Variants in CSGALNACT1 observed in about 807,000 individuals in gnomAD.
The protein encoded by CSGALNACT1 is chondroitin sulfate N-acetylgalactosaminyltransferase 1.
CSGALNACT1 carries 52 observed loss-of-function variants against 51.0 expected under a neutral mutation model. The observed-to-expected ratio is 1.02, with a 90% CI of 0.82 to 1.29. CSGALNACT1 has a LOEUF of 1.29. CSGALNACT1 is among the 50% of genes most tolerant of loss of function. CSGALNACT1 has a pLI of 0.00. For missense variants in CSGALNACT1, 935 were observed against 679.2 expected (o/e 1.38, Z -4.19); for synonymous variants, 341 against 254.4 (o/e 1.34, Z -3.24).
chr8:19,434,766 G>T (rs1054649013), intron 6 of CSGALNACT1, among the ~76,000 whole-genome samples: 1 of 151,954 alleles, frequency 6.6e-6, no homozygotes, highest in Admixed American at 6.6e-5. Flanking sequence ...CTAATTATCT[G>T]CTTGGGAGGG....
At chr8:19,676,085 A>ATT (rs2060161989) in intron 1 of CSGALNACT1, among the ~76,000 whole-genome samples, 2 of 62,430 alleles carry the variant, frequency 3.2e-5, no homozygotes, top group African/African-American at 1.0e-4. Context: ...TGTCTGATTT[A>ATT]AAAAACAAAA....
chr8:19,684,113 C>G (rs1054531479), upstream of CSGALNACT1, among the ~76,000 whole-genome samples: 5 of 151,978 alleles, frequency 3.3e-5, no homozygotes, highest in African/African-American at 4.8e-5. Context: ...TTGCAGGGAG[C>G]AGAGATAGTG....
chr8:19,487,491 T>C (rs957065135), intron 4 of CSGALNACT1, among the ~76,000 whole-genome samples: 1 of 152,154 alleles, frequency 6.6e-6, no homozygotes, highest in African/African-American at 2.4e-5. Context: ...ACATGAGCTC[T>C]GAGCCTGACA....
intron 6 of CSGALNACT1, among the ~76,000 whole-genome samples, chr8:19,438,865 T>C (rs2060827747): frequency 6.6e-6 from 1 of 152,188 alleles, no homozygotes; most frequent in Admixed American, 6.5e-5. Flanking sequence ...TAACAAAGCA[T>C]AAAAATAAAA....
At chr8:19,696,793 C>T (rs1381351876) in intron 1 of CSGALNACT1, among the ~76,000 whole-genome samples, 1 of 152,202 alleles carries the variant, frequency 6.6e-6, no homozygotes, top group Non-Finnish European at 1.5e-5. Flanking sequence ...ACAGGAACCA[C>T]ACACAGTGTC....
upstream of CSGALNACT1, chr8:19,682,660 C>T (rs916510274): frequency 6.6e-6 from 3 of 453,996 alleles, no homozygotes; most frequent in Non-Finnish European, 1.3e-5. Context: ...GCCAAAACCA[C>T]AAGGAAGCCA....
intron 1 of CSGALNACT1, among the ~76,000 whole-genome samples, chr8:19,664,160 T>G (rs1332233801): frequency 2.4e-4 from 37 of 152,222 alleles, no homozygotes; most frequent in Admixed American, 2.2e-3. Flanking sequence ...AAATGTTCCT[T>G]AGACTCACAT....
At chr8:19,630,226 G>C (rs1030019341) in intron 1 of CSGALNACT1, among the ~76,000 whole-genome samples, 2 of 148,866 alleles carry the variant, frequency 1.3e-5, no homozygotes, top group African/African-American at 2.5e-5. Flanking sequence ...GTGTGTGTGT[G>C]TGTGTGTGTG....
At chr8:19,665,195 GT>G (rs2059090790) in intron 1 of CSGALNACT1, among the ~76,000 whole-genome samples, 1 of 152,110 alleles carries the variant, frequency 6.6e-6, no homozygotes, top group Non-Finnish European at 1.5e-5. Flanking sequence ...TGTATTTTTA[GT>G]GCAGACGGTG....
intron 1 of CSGALNACT1, among the ~76,000 whole-genome samples, chr8:19,624,542 A>G (rs1036824790): frequency 7.9e-5 from 12 of 152,168 alleles, no homozygotes; most frequent in Non-Finnish European, 1.5e-4. Context: ...CCCAAATCTC[A>G]GTGGTTTAAA....
At chr8:19,576,657 C>G (rs1179491114) in intron 3 of CSGALNACT1, among the ~76,000 whole-genome samples, 1 of 149,930 alleles carries the variant, frequency 6.7e-6, no homozygotes, top group East Asian at 1.9e-4. Context: ...GATCTCACCA[C>G]ATTATCCAGC....
chr8:19,705,465 G>T (rs1355335951), intron 1 of CSGALNACT1, among the ~76,000 whole-genome samples: 2 of 152,182 alleles, frequency 1.3e-5, no homozygotes, highest in African/African-American at 4.8e-5. Context: ...GGGCACAGTG[G>T]CTCATACTTG....
intron 1 of CSGALNACT1, among the ~76,000 whole-genome samples, chr8:19,635,603 T>G (rs1176417258): frequency 2.0e-5 from 3 of 152,172 alleles, no homozygotes; most frequent in Non-Finnish European, 4.4e-5. Flanking sequence ...TTCACAGGCA[T>G]TTCAAGATCA....
chr8:19,498,904 A>C (rs1032250075), intron 4 of CSGALNACT1, among the ~76,000 whole-genome samples: 5 of 152,370 alleles, frequency 3.3e-5, no homozygotes, highest in African/African-American at 9.6e-5. Context: ...ACTTGAGGCC[A>C]GGAGCTCAAG....
rs182245706 is a variant in CSGALNACT1 at position 19,451,839 on chromosome 8, G to C, written c.851+6587C>G. 1.2e-3 allele frequency among the ~76,000 whole-genome samples: 176 copies of C among 152,310 alleles called. 1 individual carries two copies. The highest frequency in any genetic ancestry group is 6.8e-3 in the South Asian group (33 of 4,828). ...GATAATAATCCGCATAGAACTGCAA[G>C]GCGATAGGGCCCATCTGGACCAAGA... On this transcript the variant is annotated intron_variant, in intron 5 of 9. Coordinates refer to ENST00000454498, the Ensembl canonical transcript of CSGALNACT1.
intron 1 of CSGALNACT1, among the ~76,000 whole-genome samples, chr8:19,664,813 G>A (rs1311162104): frequency 2.6e-5 from 4 of 152,124 alleles, no homozygotes; most frequent in Admixed American, 6.6e-5. Context: ...GCATTTTCTC[G>A]CTTATAAGTG....
intron 1 of CSGALNACT1, among the ~76,000 whole-genome samples, chr8:19,720,549 C>A (rs1455177765): frequency 6.6e-6 from 1 of 152,194 alleles, no homozygotes; most frequent in Non-Finnish European, 1.5e-5. Context: ...CCTGGTAGAA[C>A]TGTATGCATT....
chr8:19,469,407 A>C (rs1362294323), intron 4 of CSGALNACT1, among the ~76,000 whole-genome samples: 1 of 152,114 alleles, frequency 6.6e-6, no homozygotes, highest in African/African-American at 2.4e-5. Flanking sequence ...AGAAAGAGAA[A>C]GAAAAGAAAA....
chr8:19,429,947 T>C (rs948308080), intron 6 of CSGALNACT1, among the ~76,000 whole-genome samples: 1 of 152,240 alleles, frequency 6.6e-6, no homozygotes, highest in Admixed American at 6.5e-5. Context: ...GTAGGTTTCA[T>C]TTGCATTTTT....
Sources: allele counts gnomAD v4.1 joint callset (sites outside exome capture counted in the v4.1 genomes callset), GRCh38; gene constraint gnomAD v4.1.1; transcripts MANE v1.5; gene names NCBI Gene and HGNC (gene_info 2026-07-23, HGNC 2026-07-21).